MAP3K20: variants seen among roughly 807,000 people sequenced by gnomAD.
MAP3K20 encodes the protein mitogen-activated protein kinase kinase kinase 20.
In MAP3K20, 40 loss-of-function variants were observed where a neutral mutation model predicts 85.7. The ratio of observed to expected loss-of-function variants is 0.47; its 90% confidence interval spans 0.36 to 0.61. The LOEUF (loss-of-function observed/expected upper bound fraction) is 0.61, where lower values mean the gene tolerates loss of function less well. MAP3K20 is among the 20% of genes least tolerant of loss of function. The pLI, the probability that MAP3K20 is intolerant of heterozygous loss-of-function variation, is 0.00. For missense variants in MAP3K20, 817 were observed against 961.7 expected (o/e 0.85, Z 1.99); for synonymous variants, 325 against 327.7 (o/e 0.99, Z 0.09).
intron 16 of MAP3K20, among the ~76,000 whole-genome samples, chr2:173,254,217 C>T (rs1004198129): frequency 4.0e-5 from 6 of 151,316 alleles, no homozygotes; most frequent in Non-Finnish European, 7.4e-5. Flanking sequence ...AGATCGAGAC[C>T]ATCCTGGCTA....
intron 8 of MAP3K20, among the ~76,000 whole-genome samples, chr2:173,201,658 A>C (rs1408141179): frequency 6.6e-6 from 1 of 152,204 alleles, no homozygotes; most frequent in Non-Finnish European, 1.5e-5. Flanking sequence ...TTTTATTTAA[A>C]AATATTTGTT....
intron 9 of MAP3K20, 122 bp downstream of exon 9, chr2:173,203,992 A>C (rs1240693864): frequency 5.6e-5 from 48 of 854,114 alleles, no homozygotes; most frequent in Non-Finnish European, 9.1e-5. Flanking sequence ...TGCTCCTATG[A>C]GCCCCAGATT....
intron 2 of MAP3K20, among the ~76,000 whole-genome samples, chr2:173,143,463 C>G (rs1400165195): frequency 6.6e-6 from 1 of 152,188 alleles, no homozygotes; most frequent in Non-Finnish European, 1.5e-5. Context: ...TATACATTAT[C>G]TTCAGGTGCA....
intron 12 of MAP3K20, 34 bp downstream of exon 12, chr2:173,229,767 G>T: frequency 6.2e-7 from 1 of 1,612,310 alleles, no homozygotes; most frequent in Non-Finnish European, 8.5e-7. Context: ...TATTTGACTT[G>T]AGCAGGTATT....
At chr2:173,099,886 TTGAA>T (rs1054236612) in intron 2 of MAP3K20, among the ~76,000 whole-genome samples, 2 of 152,174 alleles carry the variant, frequency 1.3e-5, no homozygotes, top group African/African-American at 4.8e-5. Context: ...GTTGAGAGGA[TTGAA>T]TGAGATCATA....
chr2:173,079,235 G>A (rs945703155), intron 1 of MAP3K20, among the ~76,000 whole-genome samples: 2 of 151,948 alleles, frequency 1.3e-5, no homozygotes, highest in Admixed American at 6.6e-5. Context: ...TATTTCTATC[G>A]AAAAATAGAA....
intron 3 of MAP3K20, among the ~76,000 whole-genome samples, chr2:173,176,919 T>C (rs1035094212): frequency 1.3e-5 from 2 of 152,084 alleles, no homozygotes; most frequent in Admixed American, 6.6e-5. Context: ...TCAGACAAAA[T>C]ACAGCAAAGA....
intron 2 of MAP3K20, among the ~76,000 whole-genome samples, chr2:173,136,845 T>A (rs1004924625): frequency 6.6e-6 from 1 of 152,250 alleles, no homozygotes; most frequent in African/African-American, 2.4e-5. Context: ...GAGAATCAGA[T>A]GCAAAGTGTT....
intron 2 of MAP3K20, among the ~76,000 whole-genome samples, chr2:173,112,627 G>A (rs768045446): frequency 5.9e-5 from 9 of 152,116 alleles, no homozygotes; most frequent in African/African-American, 2.2e-4. Context: ...ATCATAAAGC[G>A]ATGCTGGATT....
chr2:173,123,077 T>G (rs150782571), intron 2 of MAP3K20, among the ~76,000 whole-genome samples: 1 of 152,340 alleles, frequency 6.6e-6, no homozygotes, highest in Non-Finnish European at 1.5e-5. Flanking sequence ...AGTTCACACA[T>G]GATAAATCCA....
chr2:173,133,494 G>GTTGAGAGCATACCTTCAGAGAGT (rs1361214892), intron 2 of MAP3K20, among the ~76,000 whole-genome samples: 1 of 152,174 alleles, frequency 6.6e-6, no homozygotes, highest in East Asian at 1.9e-4. Context: ...TTAAGAGATA[G>GTTGAGAGCATACCTTCAGAGAGT]TTGAGAGCAT....
At chr2:173,083,221 C>T (rs1240707854) in intron 1 of MAP3K20, among the ~76,000 whole-genome samples, 1 of 152,210 alleles carries the variant, frequency 6.6e-6, no homozygotes, top group Non-Finnish European at 1.5e-5. Context: ...GTCCTATTTA[C>T]TGAACCCAAC....
chr2:173,103,693 TC>T (rs1168561361), intron 2 of MAP3K20, among the ~76,000 whole-genome samples: 1 of 152,214 alleles, frequency 6.6e-6, no homozygotes, highest in East Asian at 1.9e-4. Flanking sequence ...TGCTAACACT[TC>T]CAGTTTTATC....
At chr2:173,110,303 G>C (rs1687933307) in intron 2 of MAP3K20, among the ~76,000 whole-genome samples, 2 of 124,432 alleles carry the variant, frequency 1.6e-5, no homozygotes, top group South Asian at 5.3e-4. Context: ...ACCCAGGCTG[G>C]AGTGCAGTGG....
At chr2:173,186,257 ATTC>A (rs747892560) in intron 4 of MAP3K20, among the ~76,000 whole-genome samples, 116 of 152,258 alleles carry the variant, frequency 7.6e-4, no homozygotes, top group Non-Finnish European at 1.3e-3. Context: ...CTGAAAAATT[ATTC>A]AGGAATTTGA....
intron 16 of MAP3K20, among the ~76,000 whole-genome samples, chr2:173,248,359 A>G (rs1407010033): frequency 6.6e-6 from 1 of 152,232 alleles, no homozygotes; most frequent in East Asian, 1.9e-4. Flanking sequence ...ATCAGGTTAT[A>G]TACATTAAAT....
At chr2:173,230,174 T>TC (rs1262372129) in intron 12 of MAP3K20, among the ~76,000 whole-genome samples, 2 of 152,186 alleles carry the variant, frequency 1.3e-5, no homozygotes, top group East Asian at 3.9e-4. Flanking sequence ...AAATAAAGCC[T>TC]CAAGAGTAAA....
chr2:173,086,911 A>G (rs1687159885), intron 1 of MAP3K20, among the ~76,000 whole-genome samples: 1 of 152,222 alleles, frequency 6.6e-6, no homozygotes, highest in South Asian at 2.1e-4. Flanking sequence ...GAAAGTCCCA[A>G]ATACACTCTC....
In MAP3K20 at chr2:173,213,984, G is replaced by A. The variant is rs532786789; in HGVS notation, c.852-3131G>A. On this transcript the variant is annotated intron_variant, in intron 10 of 19. Coordinates refer to ENST00000375213, the MANE Select transcript of MAP3K20 (RefSeq NM_016653.3). Reference sequence around the variant, plus strand: ...AAACCACATGACTAGTGTCCAAAGAGTGTTTTAGTAAATTAGAGTCACCGT... The same window carrying A: ...AAACCACATGACTAGTGTCCAAAGAATGTTTTAGTAAATTAGAGTCACCGT... Among the ~76,000 whole-genome samples the A allele has an allele frequency of 1.1e-4, 16 of 152,220 alleles. No homozygotes were observed. In the South Asian group the frequency reaches 1.9e-3, roughly 18 times the overall value.
Sources: allele counts gnomAD v4.1 joint callset (sites outside exome capture counted in the v4.1 genomes callset), GRCh38; gene constraint gnomAD v4.1.1; transcripts MANE v1.5; gene names NCBI Gene and HGNC (gene_info 2026-07-23, HGNC 2026-07-21).